The following GARNL3 variants were observed in gnomAD, a reference collection of about 807,000 sequenced individuals.
GARNL3 encodes GTPase activating Rap/RanGAP domain like 3, also known as GTPase-activating Rap/Ran-GAP domain-like protein 3.
A neutral mutation model predicts 125.0 loss-of-function variants in GARNL3; 63 were observed. The ratio of observed to expected loss-of-function variants is 0.50; its 90% CI spans 0.41 to 0.62. GARNL3 has a LOEUF of 0.62. GARNL3 is among the 20% of genes least tolerant of loss of function. GARNL3 has a pLI of 0.00. For synonymous variants in GARNL3, 439 were observed against 457.5 expected, an observed-to-expected ratio of 0.96 and a Z score of 0.52; for missense variants, 994 against 1,244.0, an observed-to-expected ratio of 0.80 and a Z score of 3.02.
intron 2 of GARNL3, among the ~76,000 whole-genome samples, chr9:127,296,680 A>G (rs1459015090): frequency 6.6e-6 from 1 of 152,062 alleles, no homozygotes; most frequent in South Asian, 2.1e-4. Context: ...CATGTTGGCC[A>G]GGCTGGTCTC....
At chr9:127,362,037 G>A (rs933691788) in intron 21 of GARNL3, 3 of 149,442 alleles carry the variant, frequency 2.0e-5, no homozygotes, top group African/African-American at 2.5e-5. Flanking sequence ...TGTCATAAGC[G>A]TTATGTCTTG....
chr9:127,360,383 A>C (rs946150741), intron 21 of GARNL3, among the ~76,000 whole-genome samples: 7 of 152,212 alleles, frequency 4.6e-5, no homozygotes, highest in Non-Finnish European at 1.5e-5. Flanking sequence ...TGAGAGGATC[A>C]GCGTGTACAG....
chr9:127,263,768 A>C, upstream of GARNL3: 1 of 1,225,950 alleles, frequency 8.2e-7, no homozygotes, highest in South Asian at 3.8e-5. Flanking sequence ...CAAAAGGTTA[A>C]ATTTCTCATA....
chr9:127,331,601 T>G (rs1829245639), intron 7 of GARNL3, among the ~76,000 whole-genome samples: 1 of 151,804 alleles, frequency 6.6e-6, no homozygotes, highest in African/African-American at 2.4e-5. Context: ...TCTGTCTTCC[T>G]CCCTTCCCTG....
chr9:127,328,426 G>A (rs1829018746), intron 7 of GARNL3, among the ~76,000 whole-genome samples: 1 of 152,124 alleles, frequency 6.6e-6, no homozygotes, highest in Admixed American at 6.5e-5. Flanking sequence ...TGCAAAGATG[G>A]GCAGGTAATC....
chr9:127,280,400 T>C lies in GARNL3; in HGVS notation c.145-10768T>C, dbSNP rs111432928. On this transcript the variant is annotated intron_variant, in intron 1 of 27. Coordinates refer to ENST00000373387, the MANE Select transcript of GARNL3 (RefSeq NM_032293.5). The surrounding 1 kb of genome is among the most constrained non-coding windows in gnomAD (Gnocchi z 4.5). The stretch of plus-strand genomic sequence containing the variant: ...AGTGAGGCTACCTCAAAATGCAGTG[T>C]CCATGCAGTAAAAAGATGATTCCTA... 2.3e-3 allele frequency among the ~76,000 whole-genome samples: 354 copies of C among 152,322 alleles called. No homozygotes were observed. The highest frequency in any genetic ancestry group is 0.017 in the Middle Eastern group (5 of 294).
intron 19 of GARNL3, among the ~76,000 whole-genome samples, chr9:127,354,872 A>G (rs1288053125): frequency 6.6e-6 from 1 of 152,128 alleles, no homozygotes; most frequent in Non-Finnish European, 1.5e-5. Context: ...GGCTCACTAC[A>G]ACCTCCGCCT....
At position 127,271,646 on chromosome 9, in the gene GARNL3, T is replaced by G. The variant is rs975446433; in HGVS notation, c.144+6625T>G. On this transcript the variant is annotated intron_variant, in intron 1 of 27. Coordinates refer to ENST00000373387, the MANE Select transcript of GARNL3 (RefSeq NM_032293.5). ...AAATCTGTCAGAAAAAGCACAAGATTGTTTGTAGCTTTTATTGATCTTTTT... is the reference window on the plus strand; with the variant it reads ...AAATCTGTCAGAAAAAGCACAAGATGGTTTGTAGCTTTTATTGATCTTTTT... Among the ~76,000 whole-genome samples the G allele has an allele frequency of 4.7e-5, 7 of 150,480 alleles. No individual in the cohort carries two copies. The South Asian group carries it at 1.5e-3, about 31-fold the overall frequency.
At chr9:127,336,627 G>A (rs1056431086) in intron 11 of GARNL3, among the ~76,000 whole-genome samples, 2 of 152,214 alleles carry the variant, frequency 1.3e-5, no homozygotes, top group Non-Finnish European at 2.9e-5. Context: ...TTTTCTTGTT[G>A]ATTTAAGCCC....
intron 21 of GARNL3, chr9:127,365,031 A>T: frequency 2.3e-6 from 1 of 431,240 alleles, no homozygotes. Context: ...AGAGCTTCTC[A>T]ACGGCTATGA....
At chr9:127,276,563 T>C (rs1370934853) in intron 1 of GARNL3, among the ~76,000 whole-genome samples, 1 of 152,230 alleles carries the variant, frequency 6.6e-6, no homozygotes, top group East Asian at 1.9e-4. Context: ...TTTCTGTGCA[T>C]GGGCGCATTT....
At chr9:127,257,408 C>A (rs1414656192) in intron 2 of GARNL3, among the ~76,000 whole-genome samples, 1 of 152,200 alleles carries the variant, frequency 6.6e-6, no homozygotes, top group Non-Finnish European at 1.5e-5. Flanking sequence ...GATGACTGGT[C>A]CAGCTTCTCC....
chr9:127,314,874 C>T (rs545056933), intron 4 of GARNL3, among the ~76,000 whole-genome samples: 5 of 152,290 alleles, frequency 3.3e-5, no homozygotes, highest in South Asian at 2.1e-4. Context: ...CCTGAGGCGG[C>T]GCCCAGGAAA....
intron 4 of GARNL3, among the ~76,000 whole-genome samples, chr9:127,315,685 A>C (rs1436470230): frequency 6.6e-6 from 1 of 152,124 alleles, no homozygotes; most frequent in Non-Finnish European, 1.5e-5. Context: ...AACTAGCTAA[A>C]CATATAACTC....
intron 27 of GARNL3, among the ~76,000 whole-genome samples, chr9:127,391,057 G>A (rs1169671580): frequency 4.6e-5 from 7 of 151,978 alleles, no homozygotes; most frequent in East Asian, 3.9e-4. Context: ...GGCCAAGGCG[G>A]GCAGATCACC....
intron 5 of GARNL3, among the ~76,000 whole-genome samples, chr9:127,319,770 T>C (rs1415942762): frequency 1.3e-5 from 2 of 152,196 alleles, no homozygotes; most frequent in Non-Finnish European, 2.9e-5. Flanking sequence ...TTCTTTTTTC[T>C]AAAAAGAAGT....
Position 127,384,741 on chromosome 9 carries a change from C to T in GARNL3, c.2270-286C>T, listed in dbSNP as rs866443830. Among the ~76,000 whole-genome samples, 2 of 152,196 alleles carry T rather than the reference C, an allele frequency of 1.3e-5. No homozygotes were observed. The highest frequency in any genetic ancestry group is 2.1e-4 in the South Asian group (1 of 4,834). The stretch of plus-strand genomic sequence containing the variant: ...CAGGACTATGGCAAGTGAGCTGCCT[C>T]GCTGGAAGATCAGGCAGTGGGGTTT... On this transcript the variant is annotated intron_variant, in intron 23 of 27. Transcript: ENST00000373387. The surrounding 1 kb of genome is among the most constrained non-coding windows in gnomAD (Gnocchi z 4.0).
intron 1 of GARNL3, among the ~76,000 whole-genome samples, chr9:127,277,640 A>T (rs951152930): frequency 6.6e-6 from 1 of 151,878 alleles, no homozygotes; most frequent in Admixed American, 6.6e-5. Flanking sequence ...GTCTTGCTCC[A>T]ACCTATCTCT....
chr9:127,293,162 G>A (rs2064477198), intron 2 of GARNL3, among the ~76,000 whole-genome samples: 1 of 152,116 alleles, frequency 6.6e-6, no homozygotes, highest in Non-Finnish European at 1.5e-5. Context: ...GACCTTGTGG[G>A]CACTTGACTT....
Sources: gnomAD v4.1 joint callset for allele counts (sites outside exome capture counted in the v4.1 genomes callset) on GRCh38, gnomAD v4.1.1 for gene constraint, Gnocchi (gnomAD v3.1) non-coding constraint, MANE v1.5 for transcripts, NCBI Gene and HGNC (gene_info 2026-07-23, HGNC 2026-07-21) for gene names.